Variants in CSNK1G3 observed in about 807,000 individuals in gnomAD.
CSNK1G3 encodes the protein casein kinase 1 gamma 3, also known as casein kinase I isoform gamma-3.
CSNK1G3 carries 23 observed loss-of-function variants against 64.3 expected under a neutral mutation model. That is an observed-to-expected ratio of 0.36 (90% CI 0.26 to 0.51). CSNK1G3 has a LOEUF of 0.51. Ranked by LOEUF, CSNK1G3 falls within the 20% of genes least tolerant of loss-of-function variation. The pLI, the probability that CSNK1G3 is intolerant of heterozygous loss-of-function variation, is 0.96. For synonymous variants in CSNK1G3, 158 were observed against 162.2 expected (o/e 0.97, Z 0.20); for missense variants, 357 against 510.5 (o/e 0.70, Z 2.90).
chr5:123,574,506 G>A (rs1277063616), intron 5 of CSNK1G3, among the ~76,000 whole-genome samples: 1 of 152,090 alleles, frequency 6.6e-6, no homozygotes, highest in African/African-American at 2.4e-5. Context: ...ATATGCAGCT[G>A]TTAAAAAGTG....
chr5:123,512,670 C>T (rs1443764058), intron 1 of CSNK1G3, 100 bp downstream of exon 1: 1 of 139,990 alleles, frequency 7.1e-6, no homozygotes, highest in East Asian at 2.4e-4. Context: ...GCTGGGGTCC[C>T]GGGCGGGTGG....
intron 4 of CSNK1G3, among the ~76,000 whole-genome samples, chr5:123,560,834 T>C (rs1246409228): frequency 6.6e-6 from 1 of 152,156 alleles, no homozygotes; most frequent in African/African-American, 2.4e-5. Flanking sequence ...TGGGGAATTA[T>C]TGTTCATTGG....
At position 123,550,515 on chromosome 5, in the gene CSNK1G3, G is replaced by C. The variant is rs536618403; in HGVS notation, c.179-2592G>C. On this transcript the variant is annotated intron_variant, in intron 2 of 12. Transcript: ENST00000345990. ...ATTTTCAAGCTTGGGCATTCTGTAG[G>C]GGGAGAATGGCTATTGGTGGGTAAA... Among the ~76,000 whole-genome samples, 4 of 152,280 alleles carry C rather than the reference G, an allele frequency of 2.6e-5. No individual in the cohort carries two copies. The East Asian group carries it at 7.7e-4, about 29-fold the overall frequency.
At chr5:123,595,233 T>C in intron 10 of CSNK1G3, 99 bp downstream of exon 11, 1 of 1,116,860 alleles carries the variant, frequency 9.0e-7, no homozygotes. Flanking sequence ...TAATGGAAAA[T>C]TTGTTGCTGA....
At chr5:123,530,786 A>AT (rs1296492536) in intron 1 of CSNK1G3, among the ~76,000 whole-genome samples, 1 of 152,230 alleles carries the variant, frequency 6.6e-6, no homozygotes, top group African/African-American at 2.4e-5. Context: ...TCTTTCTGGG[A>AT]TAAAAAAAGT....
intron 1 of CSNK1G3, among the ~76,000 whole-genome samples, chr5:123,515,414 GCT>G (rs1776974383): frequency 6.6e-6 from 1 of 152,196 alleles, no homozygotes; most frequent in Non-Finnish European, 1.5e-5. Context: ...AGTGAGATTT[GCT>G]GTGGATGAGA....
chr5:123,596,507 C>A (rs988254234), intron 10 of CSNK1G3, among the ~76,000 whole-genome samples: 1 of 152,044 alleles, frequency 6.6e-6, no homozygotes, highest in Non-Finnish European at 1.5e-5. Context: ...TGTACCATTA[C>A]CAGATTTATT....
At chr5:123,613,017 G>A (rs1023173289) in intron 12 of CSNK1G3, among the ~76,000 whole-genome samples, 2 of 152,200 alleles carry the variant, frequency 1.3e-5, no homozygotes, top group Middle Eastern at 3.4e-3. Flanking sequence ...ACCTTAGGAA[G>A]GGGTTGACTG....
chr5:123,551,047 A>T (rs1425030644), intron 2 of CSNK1G3, among the ~76,000 whole-genome samples: 1 of 152,148 alleles, frequency 6.6e-6, no homozygotes, highest in Non-Finnish European at 1.5e-5. Flanking sequence ...TTATATTTTG[A>T]TTCTTTGAGA....
chr5:123,613,951 C>A (rs1420589939), intron 12 of CSNK1G3, among the ~76,000 whole-genome samples: 1 of 152,006 alleles, frequency 6.6e-6, no homozygotes, highest in East Asian at 1.9e-4. Flanking sequence ...TTTTTGGAGT[C>A]TAAACTGATT....
At chr5:123,576,125 A>C (rs1157145550) in intron 6 of CSNK1G3, among the ~76,000 whole-genome samples, 162 bp downstream of exon 6, 1 of 152,224 alleles carries the variant, frequency 6.6e-6, no homozygotes, top group African/African-American at 2.4e-5. Context: ...ATATTTTAAT[A>C]AAACTCTTTG....
chr5:123,568,478 T>C (rs1252609212), intron 4 of CSNK1G3, among the ~76,000 whole-genome samples: 4 of 152,228 alleles, frequency 2.6e-5, no homozygotes, highest in Non-Finnish European at 5.9e-5. Context: ...TTCAAAATGA[T>C]GTTTTTTTAA....
At chr5:123,590,113 A>G (rs1328811317) in intron 8 of CSNK1G3, among the ~76,000 whole-genome samples, 1 of 152,088 alleles carries the variant, frequency 6.6e-6, no homozygotes, top group Non-Finnish European at 1.5e-5. Context: ...TCAACTTCTC[A>G]TACTACCAAA....
At chr5:123,538,956 A>T (rs1371778061) in intron 1 of CSNK1G3, among the ~76,000 whole-genome samples, 2 of 152,104 alleles carry the variant, frequency 1.3e-5, no homozygotes, top group African/African-American at 2.4e-5. Context: ...ACCCCTCTTT[A>T]TGGTTCTGGT....
intron 4 of CSNK1G3, among the ~76,000 whole-genome samples, chr5:123,570,241 CA>C (rs1380716138): frequency 2.0e-5 from 3 of 151,964 alleles, no homozygotes; most frequent in Non-Finnish European, 4.4e-5. Context: ...TAAACCAAAA[CA>C]TACTGCTATC....
intron 10 of CSNK1G3, among the ~76,000 whole-genome samples, chr5:123,593,226 C>CACACACAT (rs1472047933): frequency 6.6e-6 from 1 of 151,318 alleles, no homozygotes; most frequent in East Asian, 1.9e-4. Context: ...CACACACACA[C>CACACACAT]ACATATATAT....
At chr5:123,569,248 A>G (rs937401647) in intron 4 of CSNK1G3, among the ~76,000 whole-genome samples, 1 of 152,218 alleles carries the variant, frequency 6.6e-6, no homozygotes, top group African/African-American at 2.4e-5. Flanking sequence ...TTTTCCTCCA[A>G]AAATGTGCTG....
chr5:123,525,976 C>T (rs1482899053), intron 1 of CSNK1G3, among the ~76,000 whole-genome samples: 21 of 143,400 alleles, frequency 1.5e-4, no homozygotes, highest in South Asian at 1.3e-3. Context: ...CCAGCTTGGG[C>T]GACAGAGCGA....
chr5:123,580,157 G>C (rs936154386), intron 6 of CSNK1G3, among the ~76,000 whole-genome samples: 2 of 151,844 alleles, frequency 1.3e-5, no homozygotes, highest in East Asian at 3.9e-4. Context: ...TGCCCTCCCT[G>C]CTTTGCCTGG....
Sources: gnomAD v4.1 joint callset for allele counts (sites outside exome capture counted in the v4.1 genomes callset) on GRCh38, gnomAD v4.1.1 for gene constraint, MANE v1.5 for transcripts, NCBI Gene and HGNC (gene_info 2026-07-23, HGNC 2026-07-21) for gene names.